Variants in CAMTA1 observed in about 807,000 individuals in gnomAD.
CAMTA1 encodes the protein calmodulin binding transcription activator 1, also known as calmodulin-binding transcription activator 1.
Under a neutral mutation model 170.9 loss-of-function variants are expected in CAMTA1, and 27 were observed. The observed-to-expected ratio is 0.16, with a 90% confidence interval of 0.12 to 0.22. The LOEUF is 0.22. Among genes scored for constraint, CAMTA1 ranks in the 10% least tolerant of loss-of-function variants. The pLI, the probability that CAMTA1 is intolerant of heterozygous loss-of-function variation, is 1.00. For synonymous variants in CAMTA1, 833 were observed against 891.5 expected, an observed-to-expected ratio of 0.93 and a Z score of 1.17; for missense variants, 1,619 against 2,217.2, an observed-to-expected ratio of 0.73 and a Z score of 5.42.
At position 6,887,708 on chromosome 1, in the gene CAMTA1, T is replaced by C. The variant is rs1571395247; in HGVS notation, c.234+62498T>C. 6.5e-7 allele frequency: 1 copy of C among 1,535,234 alleles called. No homozygotes were observed. Among genetic ancestry groups the C allele is most frequent in the African/African-American group, 1.4e-5 (1 of 73,032 alleles). ...AGCAAAGAAGAGGGATCCACAGAGC[T>C]GGAGCCATGAGGGCTGACACATTGG... is the stretch of plus-strand genomic sequence containing the variant. On this transcript the variant is annotated intron_variant, in intron 3 of 22. Coordinates refer to ENST00000303635, the MANE Select transcript of CAMTA1 (RefSeq NM_015215.4). The surrounding 1 kb of genome is among the most constrained non-coding windows in gnomAD (Gnocchi z 4.1).
chr1:6,812,269 C>T (rs1202167083), intron 1 of CAMTA1, among the ~76,000 whole-genome samples: 3 of 152,108 alleles, frequency 2.0e-5, no homozygotes, highest in African/African-American at 4.8e-5. Context: ...TAATTCTGCC[C>T]CGTCCTAGCT....
intron 3 of CAMTA1, among the ~76,000 whole-genome samples, chr1:7,058,910 C>G (rs1707796345): frequency 6.7e-6 from 1 of 149,574 alleles, no homozygotes; most frequent in Non-Finnish European, 1.5e-5. Context: ...CTCTCTCTTT[C>G]TTTCCTGTTG....
intron 11 of CAMTA1, chr1:7,693,300 T>C (rs1359026010): frequency 6.6e-6 from 1 of 152,220 alleles, no homozygotes; most frequent in Non-Finnish European, 1.5e-5. Flanking sequence ...TCTCGTGAGA[T>C]GTATTCACTA....
Position 7,674,345 on chromosome 1 carries a change from C to G in CAMTA1, c.2780-3254C>G, listed in dbSNP as rs1040850875. On this transcript the variant is annotated intron_variant, in intron 10 of 22. Coordinates refer to ENST00000303635, the MANE Select transcript of CAMTA1 (RefSeq NM_015215.4). The surrounding 1 kb of genome is among the most constrained non-coding windows in gnomAD (Gnocchi z 4.1). ...AGGGCAGTGAGCTGAGGGCAGTGAG[C>G]AGCAGTGAGTGAGAGGAGGTGCTGG... Among the ~76,000 whole-genome samples the G allele has an allele frequency of 1.8e-3, 125 of 69,310 alleles. No individual in the cohort carries two copies. The highest frequency in any genetic ancestry group is 2.0e-3 in the Non-Finnish European group (53 of 26,784). The allele number at this position is 69,310 out of a possible 152,430, so 45.5% of individuals were successfully genotyped here.
intron 6 of CAMTA1, among the ~76,000 whole-genome samples, chr1:7,501,113 C>T (rs2093998528): frequency 6.6e-6 from 1 of 152,126 alleles, no homozygotes; most frequent in Non-Finnish European, 1.5e-5. Flanking sequence ...CCACTGCTGG[C>T]GAGGCAGCCG....
intron 11 of CAMTA1, among the ~76,000 whole-genome samples, chr1:7,724,287 T>C (rs1395258497): frequency 6.6e-6 from 1 of 152,202 alleles, no homozygotes; most frequent in African/African-American, 2.4e-5. Context: ...AAGTCTTTAA[T>C]TTAGTTAATA....
intron 4 of CAMTA1, among the ~76,000 whole-genome samples, chr1:7,095,995 T>G (rs1305899762): frequency 6.6e-6 from 1 of 152,262 alleles, no homozygotes; most frequent in East Asian, 1.9e-4. Flanking sequence ...GAATCCTGTT[T>G]ATACCCGTTA....
At chr1:7,593,496 T>A (rs2095370244) in intron 6 of CAMTA1, among the ~76,000 whole-genome samples, 1 of 150,520 alleles carries the variant, frequency 6.6e-6, no homozygotes, top group South Asian at 2.1e-4. Context: ...GCACTTTTTT[T>A]TTTTTTTTTT....
rs762291059 is a variant in CAMTA1, at chr1:7,738,127, G to T, written c.3827G>T (p.Ser1276Ile). The T allele has an allele frequency of 6.2e-7, 1 of 1,614,028 alleles. No homozygotes were observed. The highest frequency in any genetic ancestry group is 1.3e-5 in the African/African-American group (1 of 74,924). ...SLEEPNIRKQ[S>I]PSSKQSVPET... is the part of the protein sequence containing the mutation. ...GAAGAGCCAAATATCAGGAAGCAAAGCCCTAGTTCTAAGCAGTCTGTCCCC... is the reference window on the plus strand; with the variant it reads ...GAAGAGCCAAATATCAGGAAGCAAATCCCTAGTTCTAAGCAGTCTGTCCCC... The change falls in exon 16 of 23, where the codon AGC (serine) becomes ATC (isoleucine). Residue 1276 changes from serine (S) to isoleucine (I), a missense_variant. This residue lies in a region of CAMTA1 where 370 missense variants were observed against 429.4 expected (regional missense o/e 0.86). Transcript: ENST00000303635. This position sits in a 1 kb window ranked among gnomAD's most constrained non-coding sequence, Gnocchi z 4.9.
chr1:7,607,602 G>A (rs528507046), intron 6 of CAMTA1, among the ~76,000 whole-genome samples: 1 of 152,200 alleles, frequency 6.6e-6, no homozygotes, highest in Non-Finnish European at 1.5e-5. Context: ...GTGGATAGGT[G>A]GATTCTTTGG....
At chr1:6,798,990 G>C (rs1054231731) in intron 1 of CAMTA1, among the ~76,000 whole-genome samples, 23 of 152,276 alleles carry the variant, frequency 1.5e-4, no homozygotes, top group African/African-American at 5.3e-4. Context: ...TAGACAGCTT[G>C]TAGAACAAGC....
intron 4 of CAMTA1, among the ~76,000 whole-genome samples, chr1:7,180,679 A>T (rs1314633495): frequency 1.3e-5 from 2 of 151,758 alleles, no homozygotes; most frequent in African/African-American, 4.8e-5. Flanking sequence ...ACAGTTGGCT[A>T]ATTTTTATAT....
At chr1:7,327,783 C>A (rs1167602343) in intron 5 of CAMTA1, among the ~76,000 whole-genome samples, 4 of 152,194 alleles carry the variant, frequency 2.6e-5, no homozygotes, top group Non-Finnish European at 5.9e-5. Flanking sequence ...CTTCTGGGAT[C>A]ATTTTTCTTC....
intron 5 of CAMTA1, among the ~76,000 whole-genome samples, chr1:7,450,648 G>A (rs550320818): frequency 4.6e-5 from 7 of 152,348 alleles, no homozygotes; most frequent in Middle Eastern, 3.4e-3. Context: ...GGATTCCAAC[G>A]AGTCATATTT....
chr1:7,020,220 T>C (rs1435902266), intron 3 of CAMTA1, among the ~76,000 whole-genome samples: 1 of 152,276 alleles, frequency 6.6e-6, no homozygotes, highest in Admixed American at 6.5e-5. Context: ...TACGATGTTT[T>C]GGTCAACAAC....
intron 6 of CAMTA1, among the ~76,000 whole-genome samples, chr1:7,491,522 T>C (rs1271713899): frequency 6.6e-6 from 1 of 152,196 alleles, no homozygotes; most frequent in African/African-American, 2.4e-5. Flanking sequence ...TTGGCGTGCA[T>C]TGTTTTGGTC....
rs1212824618 is a variant in CAMTA1, at chr1:7,565,490, C to T, written c.511-74910C>T. Among the ~76,000 whole-genome samples the T allele has an allele frequency of 6.6e-6, 1 of 152,184 alleles. No individual in the cohort carries two copies. The highest frequency in any genetic ancestry group is 1.5e-5 in the Non-Finnish European group (1 of 68,022). On this transcript the variant is annotated intron_variant, in intron 6 of 22. Transcript: ENST00000303635. This position sits in a 1 kb window ranked among gnomAD's most constrained non-coding sequence, Gnocchi z 4.5. ...AGGAACAGAGGGCTTGGCTGAGTGT[C>T]CACATCAGGGGCTGGGCTTTCCGCA...
chr1:7,732,727 G>C lies in CAMTA1; in HGVS notation c.3066+128G>C. 1.5e-6 allele frequency: 2 copies of C among 1,305,278 alleles called. No individual in the cohort carries two copies. The highest frequency in any genetic ancestry group is 2.1e-6 in the Non-Finnish European group (2 of 968,372). 80.9% of individuals were successfully genotyped at this position (1,305,278 alleles called of 1,614,324 possible). A position where few individuals can be genotyped will look rare whatever the true frequency, so the allele number is the denominator to read the frequency against. On this transcript the variant is annotated intron_variant, in intron 12 of 22. Transcript: ENST00000303635. The surrounding 1 kb of genome is among the most constrained non-coding windows in gnomAD (Gnocchi z 4.1). ...CCTGTATTCAGGCAGAAGGCCTGAG[G>C]GAGTACTTTACGGTACCTGTGCTTT...
intron 3 of CAMTA1, among the ~76,000 whole-genome samples, chr1:7,027,276 A>G (rs1572533497): frequency 6.6e-6 from 1 of 152,214 alleles, no homozygotes; most frequent in Non-Finnish European, 1.5e-5. Flanking sequence ...CCATGATAGC[A>G]TCATGAATAT....
Sources: allele counts gnomAD v4.1 joint callset (sites outside exome capture counted in the v4.1 genomes callset), GRCh38; gene constraint gnomAD v4.1.1; regional missense constraint gnomAD v4.1.1; non-coding constraint Gnocchi (gnomAD v3.1); transcripts MANE v1.5; gene names NCBI Gene and HGNC (gene_info 2026-07-23, HGNC 2026-07-21).